The following SMIM7 variants were observed in gnomAD, a reference collection of about 807,000 sequenced individuals.
SMIM7 encodes small integral membrane protein 7, also known as UPF0608 protein C19orf42.
Under a neutral mutation model 13.3 loss-of-function variants are expected in SMIM7, and 12 were observed. That is an observed-to-expected ratio of 0.90 (90% CI 0.58 to 1.46). SMIM7 has a LOEUF of 1.46. SMIM7 is among the 40% of genes most tolerant of loss of function. SMIM7 has a pLI of 0.00. For missense variants in SMIM7, 114 were observed against 94.8 expected, an observed-to-expected ratio of 1.20 and a Z score of -0.84; for synonymous variants, 36 against 35.8, an observed-to-expected ratio of 1.01 and a Z score of -0.02.
intron 3 of SMIM7, chr19:16,655,485 A>T (rs2086585550): frequency 2.2e-6 from 1 of 447,778 alleles, no homozygotes; most frequent in Admixed American, 2.4e-5. Context: ...GTTCGAGACC[A>T]GCCTGGCCAA....
chr19:16,655,516 A>G (rs995729561), intron 3 of SMIM7: 3 of 425,748 alleles, frequency 7.0e-6, no homozygotes, highest in Non-Finnish European at 1.4e-5. Context: ...CCACGTCTCT[A>G]CTAAAAATAC....
chr19:16,641,577 C>G (rs1290369460), downstream of SMIM7: 1 of 152,202 alleles, frequency 6.6e-6, no homozygotes, highest in Non-Finnish European at 1.5e-5. Context: ...GGATTACAGG[C>G]GTGAGCCACT....
At chr19:16,659,221 T>A (rs2086636075) in intron 3 of SMIM7, 174 bp downstream of exon 3, 1 of 680,696 alleles carries the variant, frequency 1.5e-6, no homozygotes, top group African/African-American at 1.9e-5. Context: ...AGGTCGAGTC[T>A]GCAGTGAGCC....
In SMIM7 at chr19:16,655,734, G is replaced by A. The variant is rs533478592; in HGVS notation, c.122-1609C>T. 2.0e-5 allele frequency among the ~76,000 whole-genome samples: 3 copies of A among 146,688 alleles called. No individual in the cohort carries two copies. In the South Asian group the frequency reaches 6.5e-4, roughly 32 times the overall value. ...TGGCTCCAGATTAGGTGATCTACAA[G>A]GGTGCTACCCGAAGTATCTGCAGAC... is the stretch of plus-strand genomic sequence containing the variant. On this transcript the variant is annotated intron_variant, in intron 3 of 4. Coordinates refer to ENST00000487416, the MANE Select transcript of SMIM7 (RefSeq NM_024104.4).
chr19:16,638,215 T>G (rs1054401155), intron 4 of SMIM7, among the ~76,000 whole-genome samples: 8 of 151,508 alleles, frequency 5.3e-5, no homozygotes, highest in African/African-American at 1.9e-4. Flanking sequence ...TGCAGTAAGC[T>G]GGGATCACGC....
intron 3 of SMIM7, among the ~76,000 whole-genome samples, chr19:16,657,295 T>C (rs1360432038): frequency 6.6e-6 from 1 of 152,194 alleles, no homozygotes; most frequent in East Asian, 1.9e-4. Flanking sequence ...AGAGCACTGG[T>C]GCCCTGCCTG....
chr19:16,638,466 G>A (rs2086377948), intron 4 of SMIM7, among the ~76,000 whole-genome samples: 1 of 151,126 alleles, frequency 6.6e-6, no homozygotes, highest in African/African-American at 2.4e-5. Flanking sequence ...ACCATGCCCG[G>A]CTAATTTTTG....
chr19:16,656,508 CAT>C (rs1321994882), intron 3 of SMIM7, among the ~76,000 whole-genome samples: 1 of 152,176 alleles, frequency 6.6e-6, no homozygotes, highest in Admixed American at 6.6e-5. Context: ...CAAATATTCA[CAT>C]GTGACTGCTC....
Position 16,633,897 on chromosome 19 carries a change from A to G in SMIM7, c.*138-2173T>C, listed in dbSNP as rs2086339609. 3 of 152,112 alleles carry G rather than the reference A, an allele frequency of 2.0e-5. No individual in the cohort carries two copies. The South Asian group carries it at 6.2e-4, about 32-fold the overall frequency. The allele number at this position is 152,112 out of a possible 1,614,324, so 9.4% of individuals were successfully genotyped here. On this transcript the variant is annotated intron_variant and NMD_transcript_variant, in intron 4 of 4. Transcript: ENST00000465250. ...GGAAACCAAAATATTGACAGCAGTT[A>G]TCTCTGATAGATAGAATGACAGATG... is the stretch of plus-strand genomic sequence containing the variant.
intron 4 of SMIM7, among the ~76,000 whole-genome samples, chr19:16,636,694 AT>A (rs1311118037): frequency 6.6e-6 from 1 of 152,246 alleles, no homozygotes; most frequent in Non-Finnish European, 1.5e-5. Context: ...GCCCATGCCT[AT>A]AATCCTGGCA....
At chr19:16,637,400 G>A (rs565066058) in intron 4 of SMIM7, among the ~76,000 whole-genome samples, 3 of 152,324 alleles carry the variant, frequency 2.0e-5, no homozygotes, top group East Asian at 3.9e-4. Flanking sequence ...GTAGTCCCAG[G>A]AGGCTGAGGT....
intron 4 of SMIM7, among the ~76,000 whole-genome samples, chr19:16,649,819 C>T (rs2086496759): frequency 6.6e-6 from 1 of 152,126 alleles, no homozygotes. Flanking sequence ...CTCCAGGCTA[C>T]AACGTGGATG....
At chr19:16,636,516 T>A (rs1447169329) in intron 4 of SMIM7, 2 of 152,306 alleles carry the variant, frequency 1.3e-5, no homozygotes, top group Non-Finnish European at 2.9e-5. Context: ...ATTACAGGCA[T>A]GCGCCACCAC....
downstream of SMIM7, among the ~76,000 whole-genome samples, chr19:16,643,666 G>A (rs1459910804): frequency 6.6e-6 from 1 of 152,086 alleles, no homozygotes; most frequent in African/African-American, 2.4e-5. Flanking sequence ...TAAAGTGCTG[G>A]GATTACAGGC....
downstream of SMIM7, among the ~76,000 whole-genome samples, chr19:16,642,909 C>T (rs564532189): frequency 8.6e-5 from 13 of 151,668 alleles, no homozygotes; most frequent in African/African-American, 3.1e-4. Context: ...CTGCGACCTC[C>T]ACCTCCCAAG....
At chr19:16,644,589 C>T (rs931957983), downstream of SMIM7, among the ~76,000 whole-genome samples, 6 of 151,970 alleles carry the variant, frequency 3.9e-5, no homozygotes, top group African/African-American at 1.5e-4. Flanking sequence ...AGGGGGCATG[C>T]CACCACACCC....
chr19:16,647,261 C>G lies in SMIM7; in HGVS notation c.213G>C (p.Val71=), dbSNP rs1042457380. Residue 71 remains valine (V), a splice_region_variant and synonymous_variant, in exon 5 of 5, where the codon GTG becomes GTC. Transcript: ENST00000487416. The part of the protein sequence containing the change: ...WNIFMMFCMI[V]LFGS ...TCGCTGGGATTCAAGAGCCGAACAG[C>G]CTGGAGAAGTCAGAGGGCAGAAATG... 6.2e-7 allele frequency: 1 copy of G among 1,613,892 alleles called. No individual in the cohort carries two copies. The highest frequency in any genetic ancestry group is 8.5e-7 in the Non-Finnish European group (1 of 1,179,994).
intron 4 of SMIM7, 61 bp downstream of exon 4, chr19:16,653,974 G>A: frequency 7.6e-7 from 1 of 1,309,968 alleles, no homozygotes. Flanking sequence ...CCATCAGGTG[G>A]GTCACCCTGG....
intron 4 of SMIM7, chr19:16,652,805 A>G: frequency 1.3e-6 from 2 of 1,541,004 alleles, no homozygotes; most frequent in Middle Eastern, 1.7e-4. Flanking sequence ...TGGGGGAAGC[A>G]TACAGGGATG....
Sources: gnomAD v4.1 joint callset for allele counts (sites outside exome capture counted in the v4.1 genomes callset) on GRCh38, gnomAD v4.1.1 for gene constraint, MANE v1.5 for transcripts, NCBI Gene and HGNC (gene_info 2026-07-23, HGNC 2026-07-21) for gene names.